Variants in CD300LF observed in about 807,000 individuals in gnomAD.
CD300LF encodes CD300 molecule like family member f, also known as CMRF35-like molecule 1.
In CD300LF, 27 loss-of-function variants were observed where a neutral mutation model predicts 32.2. That is an observed-to-expected ratio of 0.84 (90% CI 0.62 to 1.15). The LOEUF is 1.15. CD300LF is among the 50% of genes most tolerant of loss of function. The probability of loss-of-function intolerance (pLI) is 0.00; values close to 1 mark genes in which losing one functional copy is unlikely to be tolerated. For synonymous variants in CD300LF, 139 were observed against 143.2 expected, an observed-to-expected ratio of 0.97 and a Z score of 0.21; for missense variants, 348 against 356.8, an observed-to-expected ratio of 0.98 and a Z score of 0.20.
intron 4 of CD300LF, among the ~76,000 whole-genome samples, chr17:74,696,450 GC>G (rs2032485850): frequency 6.6e-6 from 1 of 152,186 alleles, no homozygotes; most frequent in Non-Finnish European, 1.5e-5. Flanking sequence ...CCAGCCCCCT[GC>G]TCCCCACATC....
chr17:74,706,343 CTTTT>C (rs765052724), intron 1 of CD300LF, among the ~76,000 whole-genome samples: 1 of 135,012 alleles, frequency 7.4e-6, no homozygotes, highest in Non-Finnish European at 1.6e-5. Flanking sequence ...TGTGCCTGGC[CTTTT>C]TTTTTTTTTT....
intron 1 of CD300LF, 102 bp downstream of exon 1, chr17:74,712,722 T>C (rs2143970662): frequency 8.3e-7 from 1 of 1,199,084 alleles, no homozygotes. Flanking sequence ...ACAAGGCTCA[T>C]GCCATTAAGG....
intron 4 of CD300LF, among the ~76,000 whole-genome samples, chr17:74,697,634 G>C (rs2032624707): frequency 6.6e-6 from 1 of 152,094 alleles, no homozygotes. Flanking sequence ...AGGTACAATT[G>C]TGTGAGAATG....
At chr17:74,695,627 C>T (rs906573901) in intron 6 of CD300LF, 98 bp downstream of exon 6, 10 of 1,547,676 alleles carry the variant, frequency 6.5e-6, no homozygotes, top group Middle Eastern at 4.0e-4. Flanking sequence ...CTCCTCTATG[C>T]CCACATGAGC....
In CD300LF at chr17:74,704,700, A is replaced by T; in HGVS notation, c.160T>A (p.Cys54Ser). ...CAGTCACGCCAAATAGCTCCTCGAC[A>T]CCACCACTTCAAGTAGGTCTCCCAG... Reference protein sequence around the residue: ...SGWETYLKWWCRGAIWRDCKI... With the variant: ...SGWETYLKWWSRGAIWRDCKI... The change falls in exon 2 of 7, where the codon TGT (cysteine) becomes AGT (serine). Residue 54 changes from cysteine (C) to serine (S), a missense_variant. Cys to Ser is a moderately radical substitution (Grantham distance 112, BLOSUM62 -1). Transcript: ENST00000326165. 6.2e-7 allele frequency: 1 copy of T among 1,614,160 alleles called. No individual in the cohort carries two copies. Among genetic ancestry groups the T allele is most frequent in the Non-Finnish European group, 8.5e-7 (1 of 1,180,036 alleles).
intron 1 of CD300LF, among the ~76,000 whole-genome samples, chr17:74,710,402 T>C (rs1382436037): frequency 2.0e-5 from 3 of 152,242 alleles, no homozygotes; most frequent in Non-Finnish European, 2.9e-5. Flanking sequence ...TTGAATTTAA[T>C]AGAGTGGCTA....
At chr17:74,695,548 G>A (rs748869583) in intron 6 of CD300LF, among the ~76,000 whole-genome samples, 177 bp downstream of exon 6, 9 of 152,184 alleles carry the variant, frequency 5.9e-5, no homozygotes, top group Non-Finnish European at 1.2e-4. Context: ...TGTGTCCCCA[G>A]GACTGAGACT....
chr17:74,696,344 T>C, intron 4 of CD300LF, 127 bp from the exon 5 acceptor site: 1 of 956,222 alleles, frequency 1.0e-6, no homozygotes, highest in Non-Finnish European at 1.5e-6. Context: ...GACAGGGACC[T>C]GGTTCTAATT....
At chr17:74,704,449 G>T in intron 2 of CD300LF, 29 bp downstream of exon 2, 2 of 1,498,618 alleles carry the variant, frequency 1.3e-6, no homozygotes, top group South Asian at 1.2e-5. Flanking sequence ...GGCCCTGAGA[G>T]ACACACACAT....
At chr17:74,696,815 A>C (rs1014867179) in intron 4 of CD300LF, among the ~76,000 whole-genome samples, 4 of 152,134 alleles carry the variant, frequency 2.6e-5, no homozygotes, top group Non-Finnish European at 5.9e-5. Context: ...CATCAGTAAA[A>C]GTTGTCTGCA....
At chr17:74,709,239 A>T (rs1230903525) in intron 1 of CD300LF, among the ~76,000 whole-genome samples, 1 of 152,132 alleles carries the variant, frequency 6.6e-6, no homozygotes, top group Admixed American at 6.5e-5. Flanking sequence ...AAAGGAAAAA[A>T]GAAAATCAAT....
chr17:74,705,478 T>A (rs2143796234), intron 1 of CD300LF: 1 of 489,854 alleles, frequency 2.0e-6, no homozygotes, highest in South Asian at 3.5e-5. Context: ...GTTCCATTGA[T>A]CTATTTGTCC....
At chr17:74,702,023 T>G (rs1412930670) in intron 3 of CD300LF, among the ~76,000 whole-genome samples, 2 of 139,670 alleles carry the variant, frequency 1.4e-5, no homozygotes, top group Non-Finnish European at 3.2e-5. Context: ...TGTCTAAAAA[T>G]AAAAAAAAAG....
chr17:74,704,531 A>G lies in CD300LF; in HGVS notation c.329T>C (p.Ile110Thr), dbSNP rs147784940. Residue 110 changes from isoleucine (I) to threonine (T), a missense_variant, in exon 2 of 7, where the codon ATT (isoleucine) becomes ACT (threonine). By Grantham distance (89) the Ile-to-Thr change is moderately conservative. Transcript: ENST00000326165. Reference sequence around the variant, plus strand: ...CCCAAGGTCATTTCCAGTTTTCTCAATTCCACACCAGTAAGTGTCAGCATC... The same window carrying G: ...CCCAAGGTCATTTCCAGTTTTCTCAGTTCCACACCAGTAAGTGTCAGCATC... ...KTDADTYWCG[I>T]EKTGNDLGVT... The G allele has an allele frequency of 4.3e-6, 7 of 1,614,128 alleles. No homozygotes were observed. Among genetic ancestry groups the G allele is most frequent in the Non-Finnish European group, 5.9e-6 (7 of 1,180,012 alleles).
At chr17:74,708,146 TC>T (rs770421216) in intron 1 of CD300LF, among the ~76,000 whole-genome samples, 5 of 78,466 alleles carry the variant, frequency 6.4e-5, no homozygotes, top group Admixed American at 4.6e-4. Flanking sequence ...AGACTCCATC[TC>T]AAAAAAAAAA....
chr17:74,694,990 G>T lies in CD300LF; in HGVS notation c.*106C>A. On this transcript the variant is annotated 3_prime_UTR_variant, in exon 7 of 7. Transcript: ENST00000326165. ...GGCAATGCTGGCTGATCAGGCAGAGGCACCAGTCCCCGGGTTGGTCCTGAT... is the reference window on the plus strand; with the variant it reads ...GGCAATGCTGGCTGATCAGGCAGAGTCACCAGTCCCCGGGTTGGTCCTGAT... 8.0e-7 allele frequency: 1 copy of T among 1,250,852 alleles called. No homozygotes were observed. Among genetic ancestry groups the T allele is most frequent in the Non-Finnish European group, 1.1e-6 (1 of 899,482 alleles). 77.5% of individuals were successfully genotyped at this position (1,250,852 alleles called of 1,614,324 possible). A position where few individuals can be genotyped will look rare whatever the true frequency, so the allele number is the denominator to read the frequency against.
chr17:74,702,951 C>A (rs1203142425), intron 3 of CD300LF, 84 bp downstream of exon 3: 8 of 1,171,250 alleles, frequency 6.8e-6, no homozygotes, highest in Non-Finnish European at 8.9e-6. Context: ...AGACAAAGCT[C>A]AGGCTGGAAA....
At chr17:74,700,840 C>T (rs2032986765) in intron 3 of CD300LF, among the ~76,000 whole-genome samples, 2 of 152,170 alleles carry the variant, frequency 1.3e-5, no homozygotes, top group South Asian at 2.1e-4. Flanking sequence ...GTTGAAGTCC[C>T]ACCCTTTAGT....
chr17:74,700,459 G>A lies in CD300LF; in HGVS notation c.447-1978C>T, dbSNP rs548426220. Among the ~76,000 whole-genome samples the A allele has an allele frequency of 3.3e-5, 5 of 152,224 alleles. No individual in the cohort carries two copies. The East Asian group carries it at 5.8e-4, about 18-fold the overall frequency. On this transcript the variant is annotated intron_variant, in intron 3 of 6. Coordinates refer to ENST00000326165, the MANE Select transcript of CD300LF (RefSeq NM_139018.5). ...TCCAGTCTTTGCTCAAGAATCACTC[G>A]ACTGAGCGCGGTGGCTTACACCTGT...
Sources: allele counts gnomAD v4.1 joint callset (sites outside exome capture counted in the v4.1 genomes callset), GRCh38; gene constraint gnomAD v4.1.1; transcripts MANE v1.5; gene names NCBI Gene and HGNC (gene_info 2026-07-23, HGNC 2026-07-21).